The following THRB variants were observed in gnomAD, a reference collection of about 807,000 sequenced individuals.
THRB encodes the protein nuclear receptor subfamily 1 group A member 2.
In THRB, 12 loss-of-function variants were observed where a neutral mutation model predicts 47.8. That is an observed-to-expected ratio of 0.25 (90% CI 0.16 to 0.41). The LOEUF is 0.41. Among genes scored for constraint, THRB ranks in the 10% least tolerant of loss-of-function variants. THRB has a pLI of 1.00. For missense variants in THRB, 348 were observed against 589.2 expected, an observed-to-expected ratio of 0.59 and a Z score of 4.24; for synonymous variants, 218 against 212.2, an observed-to-expected ratio of 1.03 and a Z score of -0.24.
chr3:24,139,394 T>A (rs1279497047), intron 8 of THRB, among the ~76,000 whole-genome samples: 1 of 151,484 alleles, frequency 6.6e-6, no homozygotes, highest in African/African-American at 2.4e-5. Flanking sequence ...TCTTTCTTTT[T>A]TTTTTTTGAG....
chr3:24,408,030 C>T (rs560645422), intron 1 of THRB, among the ~76,000 whole-genome samples: 3 of 151,810 alleles, frequency 2.0e-5, no homozygotes, highest in Admixed American at 6.6e-5. Context: ...TTAAAAAGTA[C>T]AGCTAGAAAT....
intron 3 of THRB, among the ~76,000 whole-genome samples, chr3:24,264,794 G>C (rs1279803598): frequency 3.0e-5 from 2 of 66,634 alleles, no homozygotes; most frequent in Non-Finnish European, 7.0e-5. Flanking sequence ...CAATCTTGTT[G>C]CAAAAAAAAA....
chr3:24,482,245 C>T (rs1471901768), intron 1 of THRB, among the ~76,000 whole-genome samples: 2 of 152,174 alleles, frequency 1.3e-5, no homozygotes, highest in South Asian at 4.1e-4. Flanking sequence ...GTATTGAGCA[C>T]TCACCAGGTA....
At chr3:24,452,136 C>A (rs542162485) in intron 1 of THRB, among the ~76,000 whole-genome samples, 1 of 152,284 alleles carries the variant, frequency 6.6e-6, no homozygotes, top group South Asian at 2.1e-4. Context: ...TTTCCCAGTA[C>A]TGCACCAAAT....
intron 4 of THRB, among the ~76,000 whole-genome samples, chr3:24,207,071 G>C (rs1559599994): frequency 6.6e-6 from 1 of 152,188 alleles, no homozygotes; most frequent in Non-Finnish European, 1.5e-5. Flanking sequence ...GAGGTGCAAG[G>C]AAGAGCTGGT....
intron 5 of THRB, among the ~76,000 whole-genome samples, chr3:24,180,344 C>A (rs1471570096): frequency 6.6e-6 from 1 of 152,176 alleles, no homozygotes; most frequent in African/African-American, 2.4e-5. Flanking sequence ...AATAAACCAT[C>A]AACCCACACA....
Position 24,489,020 on chromosome 3 carries a change from C to T in THRB, c.-261+5632G>A, listed in dbSNP as rs577494667. 4.5e-4 allele frequency among the ~76,000 whole-genome samples: 68 copies of T among 152,178 alleles called. 1 individual carries two copies. Among genetic ancestry groups the T allele is most frequent in the Admixed American group, 2.0e-3 (31 of 15,272 alleles). On this transcript the variant is annotated intron_variant, in intron 1 of 10. Coordinates refer to ENST00000646209, the MANE Select transcript of THRB (RefSeq NM_001354712.2). The stretch of plus-strand genomic sequence containing the variant: ...CCTGTAATCCCAGAACTTTGGGAGG[C>T]TGAGGTGGGCAGATCACGAGGTCAG...
intron 1 of THRB, among the ~76,000 whole-genome samples, chr3:24,398,896 C>T (rs1412179930): frequency 6.6e-5 from 10 of 152,158 alleles, no homozygotes; most frequent in African/African-American, 2.4e-4. Flanking sequence ...TACTATGCAG[C>T]CATAAAAAAT....
rs2046507862 is a variant in THRB, at chr3:24,215,840, C to T, written c.22+13098G>A. On this transcript the variant is annotated intron_variant, in intron 4 of 10. Coordinates refer to ENST00000646209, the MANE Select transcript of THRB (RefSeq NM_001354712.2). ...TTTTGTTTCATTGTCTTTCTCTTGC[C>T]TCTGTTTAGTGGAGAAAATTCTGAA... Among the ~76,000 whole-genome samples the T allele has an allele frequency of 5.9e-5, 9 of 152,212 alleles. No homozygotes were observed. In the South Asian group the frequency reaches 1.9e-3, roughly 32 times the overall value.
intron 1 of THRB, among the ~76,000 whole-genome samples, chr3:24,491,089 A>G (rs566960714): frequency 6.6e-6 from 1 of 152,308 alleles, no homozygotes; most frequent in South Asian, 2.1e-4. Context: ...TACAAGTTTA[A>G]TGCATGCCAC....
At chr3:24,186,037 C>T (rs2042529799) in intron 5 of THRB, among the ~76,000 whole-genome samples, 1 of 152,166 alleles carries the variant, frequency 6.6e-6, no homozygotes, top group Non-Finnish European at 1.5e-5. Context: ...ACTCAAGTGG[C>T]TCCCCACGTG....
chr3:24,187,139 C>G (rs1289418783), intron 5 of THRB, among the ~76,000 whole-genome samples: 1 of 152,010 alleles, frequency 6.6e-6, no homozygotes, highest in Non-Finnish European at 1.5e-5. Context: ...TAGTTCAAAC[C>G]ACATGTGACT....
At chr3:24,261,926 G>T (rs1667751) in intron 3 of THRB, among the ~76,000 whole-genome samples, 122,014 of 152,146 alleles carry the variant, frequency 0.8, 49,826 homozygotes, top group African/African-American at 0.94. Context: ...ACTTACGCCT[G>T]GGATACCTTT....
At chr3:24,269,399 G>GCA (rs1173031504) in intron 3 of THRB, among the ~76,000 whole-genome samples, 1 of 89,872 alleles carries the variant, frequency 1.1e-5, no homozygotes, top group African/African-American at 4.4e-5. Context: ...GCGCGCGCGC[G>GCA]CGCGCACACA....
intron 1 of THRB, among the ~76,000 whole-genome samples, chr3:24,425,528 T>C (rs1028010669): frequency 1.3e-5 from 2 of 151,994 alleles, no homozygotes; most frequent in Admixed American, 1.3e-4. Flanking sequence ...TCATAAATAC[T>C]CAATTGAGTA....
intron 1 of THRB, among the ~76,000 whole-genome samples, chr3:24,423,059 G>A (rs1196213625): frequency 2.6e-5 from 4 of 151,756 alleles, no homozygotes; most frequent in African/African-American, 7.3e-5. Context: ...AACTAGCTAC[G>A]CAGTGGGCCA....
intron 4 of THRB, among the ~76,000 whole-genome samples, chr3:24,204,032 C>A (rs1379523138): frequency 6.6e-6 from 1 of 152,258 alleles, no homozygotes; most frequent in Non-Finnish European, 1.5e-5. Context: ...GCGGAGCCCA[C>A]CACAAGCTCA....
chr3:24,135,280 C>T (rs1424550333), intron 8 of THRB, among the ~76,000 whole-genome samples: 1 of 152,176 alleles, frequency 6.6e-6, no homozygotes, highest in African/African-American at 2.4e-5. Context: ...GCACCAGGGT[C>T]AACAGGAGCA....
Position 24,228,795 on chromosome 3 carries a change from G to A in THRB, c.22+143C>T, listed in dbSNP as rs1297026025. On this transcript the variant is annotated intron_variant, in intron 4 of 10. Transcript: ENST00000646209. ...AAGATGGAAGTACATTTCTAGGGAGGTATTCACAGGATTTAATAACACTTA... is the reference window on the plus strand; with the variant it reads ...AAGATGGAAGTACATTTCTAGGGAGATATTCACAGGATTTAATAACACTTA... 1.2e-5 allele frequency: 9 copies of A among 739,356 alleles called. No individual in the cohort carries two copies. In the South Asian group the frequency reaches 1.5e-4, roughly 13 times the overall value. The allele number at this position is 739,356 out of a possible 1,614,324, so 45.8% of individuals were successfully genotyped here.
Sources: allele counts gnomAD v4.1 joint callset (sites outside exome capture counted in the v4.1 genomes callset), GRCh38; gene constraint gnomAD v4.1.1; transcripts MANE v1.5; gene names NCBI Gene and HGNC (gene_info 2026-07-23, HGNC 2026-07-21).